The following CCDC7 variants were observed in gnomAD, a reference collection of about 807,000 sequenced individuals.
CCDC7 encodes the protein coiled-coil domain containing 7, also known as coiled-coil domain-containing protein 7.
A neutral mutation model predicts 196.9 loss-of-function variants in CCDC7; 183 were observed. The observed-to-expected ratio is 0.93, with a 90% confidence interval of 0.82 to 1.05. The LOEUF (loss-of-function observed/expected upper bound fraction) is 1.05. CCDC7 is among the 50% of genes least tolerant of loss of function. The probability of loss-of-function intolerance (pLI) is 0.00; values close to 1 mark genes in which losing one functional copy is unlikely to be tolerated. For missense variants in CCDC7, 1,540 were observed against 1,482.2 expected (o/e 1.04, Z -0.64); for synonymous variants, 525 against 484.6 (o/e 1.08, Z -1.10).
chr10:32,665,985 C>A (rs2072593538), intron 21 of CCDC7, among the ~76,000 whole-genome samples: 1 of 151,734 alleles, frequency 6.6e-6, no homozygotes. Flanking sequence ...TTTTTGACTT[C>A]TTTTTCAGAC....
At chr10:32,658,660 C>T (rs144588939) in intron 20 of CCDC7, among the ~76,000 whole-genome samples, 24 of 152,156 alleles carry the variant, frequency 1.6e-4, no homozygotes, top group African/African-American at 4.1e-4. Context: ...ATATACACAA[C>T]GAAATATTAT....
At chr10:32,658,501 C>T (rs573280315) in intron 20 of CCDC7, among the ~76,000 whole-genome samples, 7 of 152,176 alleles carry the variant, frequency 4.6e-5, no homozygotes, top group East Asian at 3.9e-4. Context: ...TGGAGGTTGG[C>T]GCCCTCATCA....
intron 11 of CCDC7, among the ~76,000 whole-genome samples, chr10:32,531,592 C>A (rs2049672925): frequency 6.6e-6 from 1 of 152,102 alleles, no homozygotes; most frequent in African/African-American, 2.4e-5. Context: ...GGAAGCACTC[C>A]CTTCTCTTCT....
intron 20 of CCDC7, among the ~76,000 whole-genome samples, chr10:32,650,848 C>T (rs1427886061): frequency 6.6e-6 from 1 of 152,132 alleles, no homozygotes; most frequent in East Asian, 1.9e-4. Context: ...TCAGGTGGAG[C>T]AAAACACCCA....
intron 8 of CCDC7, among the ~76,000 whole-genome samples, 159 bp from the exon 10 acceptor site, chr10:32,491,763 C>A (rs1477767609): frequency 6.6e-6 from 1 of 152,068 alleles, no homozygotes; most frequent in Admixed American, 6.6e-5. Flanking sequence ...AAAATGGTAG[C>A]TATTCTCCTC....
chr10:32,594,451 T>C lies in CCDC7; in HGVS notation c.1801+10147T>C, dbSNP rs1188417146. Among the ~76,000 whole-genome samples, 5 of 152,352 alleles carry C rather than the reference T, an allele frequency of 3.3e-5. No individual in the cohort carries two copies. The East Asian group carries it at 9.6e-4, about 29-fold the overall frequency. The stretch of plus-strand genomic sequence containing the variant: ...TCATCAGCTTAAGGAGATTTTGGGC[T>C]GAGACGATGGGGTTTTCTAAATATA... On this transcript the variant is annotated intron_variant, in intron 18 of 41. Coordinates refer to ENST00000639629, the Ensembl canonical transcript of CCDC7.
At chr10:32,847,697 A>C in intron 37 of CCDC7, 136 bp from the exon 39 acceptor site, 1 of 576,724 alleles carries the variant, frequency 1.7e-6, no homozygotes, top group Non-Finnish European at 3.0e-6. Context: ...CCTGAGTGAC[A>C]GAACAAGATC....
At chr10:32,642,012 A>T (rs2066895507) in intron 20 of CCDC7, among the ~76,000 whole-genome samples, 1 of 152,102 alleles carries the variant, frequency 6.6e-6, no homozygotes, top group Non-Finnish European at 1.5e-5. Context: ...TTTCTCTGGA[A>T]GTTTTGTCTC....
At chr10:32,717,464 T>G (rs912372513) in intron 25 of CCDC7, among the ~76,000 whole-genome samples, 1 of 151,872 alleles carries the variant, frequency 6.6e-6, no homozygotes, top group African/African-American at 2.4e-5. Flanking sequence ...ACATCACAAT[T>G]AAAAGAACTA....
At chr10:32,704,523 C>G (rs1210977872) in intron 24 of CCDC7, among the ~76,000 whole-genome samples, 1 of 152,136 alleles carries the variant, frequency 6.6e-6, no homozygotes, top group Non-Finnish European at 1.5e-5. Flanking sequence ...AGAACCACTA[C>G]TCTCTTCACA....
At chr10:32,814,839 C>T (rs1002406477) in intron 31 of CCDC7, among the ~76,000 whole-genome samples, 2 of 152,186 alleles carry the variant, frequency 1.3e-5, no homozygotes, top group African/African-American at 4.8e-5. Flanking sequence ...ACACACTTCT[C>T]TATGACCGTT....
chr10:32,699,557 G>C (rs1386334063), intron 24 of CCDC7, among the ~76,000 whole-genome samples: 1 of 149,024 alleles, frequency 6.7e-6, no homozygotes, highest in East Asian at 1.9e-4. Context: ...ATAATCCTTT[G>C]GGTATATACC....
intron 16 of CCDC7, among the ~76,000 whole-genome samples, chr10:32,582,566 C>T (rs1200631460): frequency 6.6e-6 from 1 of 152,016 alleles, no homozygotes; most frequent in Non-Finnish European, 1.5e-5. Flanking sequence ...ATAAATACCC[C>T]TTATCTTAAA....
chr10:32,543,046 AATTG>A (rs1246899729), intron 11 of CCDC7, among the ~76,000 whole-genome samples: 4 of 152,138 alleles, frequency 2.6e-5, no homozygotes, highest in African/African-American at 9.7e-5. Context: ...ATTATAACAT[AATTG>A]ATTGATATTG....
chr10:32,591,016 C>T (rs1429787113), intron 18 of CCDC7, among the ~76,000 whole-genome samples: 1 of 152,030 alleles, frequency 6.6e-6, no homozygotes, highest in Non-Finnish European at 1.5e-5. Flanking sequence ...ATATTGATCT[C>T]TCTGTCTAGG....
intron 28 of CCDC7, among the ~76,000 whole-genome samples, chr10:32,732,244 T>C (rs2084111915): frequency 6.6e-6 from 1 of 152,132 alleles, no homozygotes; most frequent in Admixed American, 6.6e-5. Flanking sequence ...AAAAAGCCCA[T>C]CTCATATTAC....
chr10:32,494,136 A>G (rs1442562354), intron 9 of CCDC7, among the ~76,000 whole-genome samples: 1 of 152,002 alleles, frequency 6.6e-6, no homozygotes, highest in Non-Finnish European at 1.5e-5. Context: ...AGAAGTTTTC[A>G]CCCTGTTTTC....
chr10:32,612,773 T>A (rs1209613888), intron 18 of CCDC7, among the ~76,000 whole-genome samples: 1 of 152,190 alleles, frequency 6.6e-6, no homozygotes, highest in Non-Finnish European at 1.5e-5. Context: ...GCCGACTTGA[T>A]CATGGTGGAT....
At chr10:32,797,138 AGTGG>A (rs1333403879) in intron 29 of CCDC7, among the ~76,000 whole-genome samples, 17 of 151,760 alleles carry the variant, frequency 1.1e-4, no homozygotes, top group South Asian at 2.1e-4. Flanking sequence ...TCAATCAACG[AGTGG>A]ATAAACTGTG....
Sources: allele counts gnomAD v4.1 joint callset (sites outside exome capture counted in the v4.1 genomes callset), GRCh38; gene constraint gnomAD v4.1.1; transcripts MANE v1.5; gene names NCBI Gene and HGNC (gene_info 2026-07-23, HGNC 2026-07-21).